The following TEX14 variants were observed in gnomAD, a reference collection of about 807,000 sequenced individuals.
TEX14 encodes inactive serine/threonine-protein kinase TEX14.
In TEX14, 168 loss-of-function variants were observed where a neutral mutation model predicts 178.6. The ratio of observed to expected loss-of-function variants is 0.94; its 90% CI spans 0.83 to 1.07. TEX14 has a LOEUF of 1.07. Ranked by LOEUF, TEX14 falls within the 50% of genes least tolerant of loss-of-function variation. The pLI is 0.00. For synonymous variants in TEX14, 626 were observed against 634.1 expected (o/e 0.99, Z 0.19); for missense variants, 1,730 against 1,753.6 (o/e 0.99, Z 0.24).
intron 1 of TEX14, among the ~76,000 whole-genome samples, chr17:58,658,786 T>C (rs1362041242): frequency 6.6e-6 from 1 of 152,054 alleles, no homozygotes; most frequent in African/African-American, 2.4e-5. Context: ...ACTTCCCACC[T>C]GAAGACCCAG....
chr17:58,685,579 T>C (rs898463182), intron 1 of TEX14, among the ~76,000 whole-genome samples: 1 of 151,358 alleles, frequency 6.6e-6, no homozygotes, highest in African/African-American at 2.4e-5. Flanking sequence ...AAGGCCAAAG[T>C]AGCAGGAGTA....
At chr17:58,613,946 C>T (rs530699340) in intron 8 of TEX14, among the ~76,000 whole-genome samples, 6 of 152,050 alleles carry the variant, frequency 3.9e-5, no homozygotes, top group African/African-American at 1.2e-4. Context: ...GGATTACAGG[C>T]GTGAGCCATT....
intron 2 of TEX14, among the ~76,000 whole-genome samples, chr17:58,636,913 A>C (rs78640937): frequency 1.4e-5 from 2 of 147,636 alleles, no homozygotes; most frequent in Non-Finnish European, 3.0e-5. Context: ...ACTCTGTCTC[A>C]AAAAAAAAAG....
intron 18 of TEX14, 36 bp downstream of exon 18, chr17:58,585,765 G>T: frequency 1.2e-6 from 2 of 1,606,210 alleles, no homozygotes; most frequent in South Asian, 2.2e-5. Context: ...ATACTTGATT[G>T]AGTTCACCTA....
At chr17:58,604,740 T>A (rs193226103) in intron 11 of TEX14, among the ~76,000 whole-genome samples, 1,551 of 152,042 alleles carry the variant, frequency 0.01, 16 homozygotes, top group Non-Finnish European at 0.015. Context: ...TTTGTATTTT[T>A]AGTAGAGACA....
intron 2 of TEX14, chr17:58,631,795 C>T (rs532827993): frequency 2.8e-4 from 42 of 152,180 alleles, no homozygotes; most frequent in Middle Eastern, 3.4e-3. Flanking sequence ...ATATACTCCT[C>T]GAGAAACACA....
chr17:58,680,291 T>A (rs572346134), intron 1 of TEX14, among the ~76,000 whole-genome samples: 3 of 152,306 alleles, frequency 2.0e-5, no homozygotes, highest in Admixed American at 1.3e-4. Context: ...TAAAATTATT[T>A]CTGAAAATCC....
chr17:58,650,334 G>A (rs1345735865), intron 2 of TEX14, among the ~76,000 whole-genome samples: 2 of 152,106 alleles, frequency 1.3e-5, no homozygotes, highest in South Asian at 2.1e-4. Flanking sequence ...TTACAGGTGT[G>A]AGTCACCATG....
intron 3 of TEX14, among the ~76,000 whole-genome samples, chr17:58,628,817 G>A (rs1356110778): frequency 2.0e-5 from 3 of 150,834 alleles, no homozygotes; most frequent in East Asian, 2.0e-4. Flanking sequence ...CACGGGAGGC[G>A]GAGGTTGCAG....
intron 3 of TEX14, among the ~76,000 whole-genome samples, chr17:58,625,426 T>C (rs1567743403): frequency 6.6e-6 from 1 of 152,178 alleles, no homozygotes; most frequent in Non-Finnish European, 1.5e-5. Context: ...TGAGCCACTG[T>C]GCCCAGCCTG....
intron 29 of TEX14, 97 bp from the exon 30 acceptor site, chr17:58,559,659 C>CAAT (rs2044232988): frequency 1.4e-6 from 1 of 698,218 alleles, no homozygotes; most frequent in East Asian, 2.5e-5. Context: ...ACAACAACAA[C>CAAT]AACAAAACCA....
chr17:58,659,307 A>G lies in TEX14; in HGVS notation c.-1-7305T>C, dbSNP rs781562335. ...GTCTCTCCCCCGCCACAAAGACATT[A>G]TTTACTTAATATTGCTAATACCTTA... is the stretch of plus-strand genomic sequence containing the variant. On this transcript the variant is annotated intron_variant, in intron 1 of 31. Coordinates refer to ENST00000349033, the MANE Select transcript of TEX14 (RefSeq NM_031272.5). 364 of 974,492 alleles carry G rather than the reference A, an allele frequency of 3.7e-4. 1 individual carries two copies. The highest frequency in any genetic ancestry group is 2.2e-3 in the South Asian group (46 of 21,096). 60.4% of individuals were successfully genotyped at this position (974,492 alleles called of 1,614,324 possible). A position where few individuals can be genotyped will look rare whatever the true frequency, so the allele number is the denominator to read the frequency against.
At chr17:58,608,269 T>A (rs1259658419) in intron 10 of TEX14, among the ~76,000 whole-genome samples, 2 of 151,930 alleles carry the variant, frequency 1.3e-5, no homozygotes, top group South Asian at 4.2e-4. Context: ...TACAAAAAAT[T>A]AGCCGGGTAT....
intron 1 of TEX14, chr17:58,677,542 A>G (rs2047414272): frequency 6.6e-6 from 1 of 152,238 alleles, no homozygotes; most frequent in African/African-American, 2.4e-5. Context: ...AGACAATCAC[A>G]TTGGCTACTT....
At chr17:58,683,058 A>G (rs2047527730) in intron 1 of TEX14, among the ~76,000 whole-genome samples, 1 of 150,478 alleles carries the variant, frequency 6.6e-6, no homozygotes, top group Non-Finnish European at 1.5e-5. Flanking sequence ...GTCTCAAAAA[A>G]AAAAAAAAAA....
chr17:58,669,361 C>CAA (rs576741561), intron 1 of TEX14, among the ~76,000 whole-genome samples: 2 of 135,800 alleles, frequency 1.5e-5, no homozygotes, highest in Non-Finnish European at 1.6e-5. Flanking sequence ...CAAAAACAAA[C>CAA]AAAAAAAAAA....
intron 15 of TEX14, among the ~76,000 whole-genome samples, chr17:58,589,350 C>T (rs1190906502): frequency 6.6e-6 from 1 of 151,256 alleles, no homozygotes; most frequent in Non-Finnish European, 1.5e-5. Context: ...ATCATGAGGT[C>T]AGGAGTTCAA....
intron 3 of TEX14, among the ~76,000 whole-genome samples, chr17:58,627,208 G>A (rs2046165896): frequency 6.6e-6 from 1 of 152,062 alleles, no homozygotes; most frequent in Admixed American, 6.6e-5. Context: ...ACCATATTAT[G>A]GGCTAGTCTC....
chr17:58,561,801 A>G (rs1442825955), intron 28 of TEX14, among the ~76,000 whole-genome samples, 189 bp from the exon 29 acceptor site: 1 of 152,168 alleles, frequency 6.6e-6, no homozygotes, highest in African/African-American at 2.4e-5. Context: ...TGAAATATGC[A>G]CTGGTCGGGT....
Sources: gnomAD v4.1 joint callset for allele counts (sites outside exome capture counted in the v4.1 genomes callset) on GRCh38, gnomAD v4.1.1 for gene constraint, MANE v1.5 for transcripts, NCBI Gene and HGNC (gene_info 2026-07-23, HGNC 2026-07-21) for gene names.